Variants in RABGAP1L observed in about 807,000 individuals in gnomAD.
RABGAP1L encodes RAB GTPase activating protein 1 like, also known as rab GTPase-activating protein 1-like.
In RABGAP1L, 63 loss-of-function variants were observed where a neutral mutation model predicts 137.7. The ratio of observed to expected loss-of-function variants is 0.46; its 90% confidence interval spans 0.37 to 0.56. The LOEUF (loss-of-function observed/expected upper bound fraction) is 0.56. Among genes scored for constraint, RABGAP1L ranks in the 20% least tolerant of loss-of-function variants. The probability of loss-of-function intolerance (pLI) is 0.00; values close to 1 mark genes in which losing one functional copy is unlikely to be tolerated. For missense variants in RABGAP1L, 1,095 were observed against 1,244.0 expected, an observed-to-expected ratio of 0.88 and a Z score of 1.80; for synonymous variants, 431 against 433.7, an observed-to-expected ratio of 0.99 and a Z score of 0.08.
At chr1:174,657,618 A>G (rs892433171) in intron 14 of RABGAP1L, among the ~76,000 whole-genome samples, 2 of 152,160 alleles carry the variant, frequency 1.3e-5, no homozygotes, top group African/African-American at 4.8e-5. Context: ...TATATATACC[A>G]CATTTTCTTT....
intron 1 of RABGAP1L, among the ~76,000 whole-genome samples, chr1:174,182,437 A>G (rs1472339758): frequency 6.6e-6 from 1 of 152,208 alleles, no homozygotes; most frequent in Non-Finnish European, 1.5e-5. Flanking sequence ...AATTGAGATT[A>G]TCATAAAATA....
At chr1:174,304,241 A>G (rs953241645) in intron 10 of RABGAP1L, among the ~76,000 whole-genome samples, 5 of 152,006 alleles carry the variant, frequency 3.3e-5, no homozygotes, top group African/African-American at 1.2e-4. Flanking sequence ...GATTTTTCCA[A>G]TGTTGAACCA....
In RABGAP1L at chr1:174,448,258, G is replaced by A. The variant is rs764662621; in HGVS notation, c.1710+54113G>A. ...TCTTCGAGACAGTGGTTATTGTGTT[G>A]CTGACATTTCTGATCATTGCTGGGA... On this transcript the variant is annotated intron_variant, in intron 13 of 25. Transcript: ENST00000681986. The surrounding 1 kb of genome is among the most constrained non-coding windows in gnomAD (Gnocchi z 4.2). 5.0e-6 allele frequency: 8 copies of A among 1,613,878 alleles called. No individual in the cohort carries two copies. The highest frequency in any genetic ancestry group is 5.9e-6 in the Non-Finnish European group (7 of 1,179,932).
In RABGAP1L at chr1:174,681,005, A is replaced by T. The variant is rs1678023816; in HGVS notation, c.1825-2517A>T. 6.6e-5 allele frequency among the ~76,000 whole-genome samples: 10 copies of T among 152,372 alleles called. No individual in the cohort carries two copies. The South Asian group carries it at 2.1e-3, about 32-fold the overall frequency. On this transcript the variant is annotated intron_variant, in intron 14 of 25. Transcript: ENST00000681986. ...GAAAACATTTTCTATACCATTAGCC[A>T]CCAGGGAAATGAAAGTCAAAACTAC...
At chr1:174,527,901 CTTTTTTTTTTT>C (rs57707616) in intron 13 of RABGAP1L, among the ~76,000 whole-genome samples, 13 of 124,826 alleles carry the variant, frequency 1.0e-4, no homozygotes, top group Non-Finnish European at 1.8e-4. Flanking sequence ...ATATACTTGT[CTTTTTTTTTTT>C]TTTTTTTACC....
chr1:174,292,201 T>C (rs1049872567), intron 10 of RABGAP1L, among the ~76,000 whole-genome samples: 5 of 150,778 alleles, frequency 3.3e-5, no homozygotes, highest in African/African-American at 9.7e-5. Context: ...CATGCTTGGC[T>C]TTTTATTTTT....
intron 18 of RABGAP1L, among the ~76,000 whole-genome samples, chr1:174,769,395 G>A (rs181454005): frequency 3.3e-4 from 50 of 152,134 alleles, no homozygotes; most frequent in African/African-American, 1.2e-3. Flanking sequence ...ATCCCAAAAG[G>A]CCATTCTTAG....
chr1:174,522,436 G>A (rs182356752), intron 13 of RABGAP1L, among the ~76,000 whole-genome samples: 3 of 152,182 alleles, frequency 2.0e-5, no homozygotes, highest in East Asian at 3.9e-4. Context: ...GGGCATGGTG[G>A]CATGTGCCTG....
chr1:174,401,627 G>A (rs1648596084), intron 13 of RABGAP1L, among the ~76,000 whole-genome samples: 1 of 152,056 alleles, frequency 6.6e-6, no homozygotes, highest in South Asian at 2.1e-4. Flanking sequence ...TACTTGTACC[G>A]CTAATTCATT....
chr1:174,773,182 G>GTGTGTGTGTTTA (rs35089169), intron 18 of RABGAP1L, among the ~76,000 whole-genome samples: 3,135 of 151,946 alleles, frequency 0.021, 49 homozygotes, highest in Middle Eastern at 0.085. Flanking sequence ...GTGTGTGTGT[G>GTGTGTGTGTTTA]TTTATTTTAA....
chr1:174,472,439 C>G (rs1455551642), intron 13 of RABGAP1L, among the ~76,000 whole-genome samples: 2 of 152,134 alleles, frequency 1.3e-5, no homozygotes, highest in African/African-American at 2.4e-5. Flanking sequence ...TTCCAGGCCC[C>G]CAGGTTTGGT....
chr1:174,988,569 CAT>C (rs1553301488), intron 24 of RABGAP1L, 70 bp from the exon 25 acceptor site: 3 of 1,289,924 alleles, frequency 2.3e-6, no homozygotes, highest in Non-Finnish European at 3.1e-6. Flanking sequence ...CTAAAAAAGT[CAT>C]AAATTGTTTC....
intron 19 of RABGAP1L, among the ~76,000 whole-genome samples, chr1:174,864,768 A>G (rs1456462194): frequency 1.3e-5 from 2 of 152,206 alleles, no homozygotes; most frequent in Non-Finnish European, 2.9e-5. Context: ...AAAACAAAAT[A>G]CCAGCAAATT....
At chr1:174,547,897 T>C in intron 13 of RABGAP1L, 1 of 1,548,982 alleles carries the variant, frequency 6.5e-7, no homozygotes, top group Non-Finnish European at 8.7e-7. Context: ...ATATGAAGGG[T>C]CTATGAAGGT....
At chr1:174,521,218 A>G (rs1364302748) in intron 13 of RABGAP1L, among the ~76,000 whole-genome samples, 2 of 152,242 alleles carry the variant, frequency 1.3e-5, no homozygotes, top group Non-Finnish European at 2.9e-5. Flanking sequence ...GATTGGATGT[A>G]TTGGAATGTA....
chr1:174,325,784 G>A (rs1042298990), intron 11 of RABGAP1L, among the ~76,000 whole-genome samples: 3 of 152,204 alleles, frequency 2.0e-5, no homozygotes, highest in Non-Finnish European at 4.4e-5. Flanking sequence ...ACTAGCAGCA[G>A]CCGGTGTGTG....
intron 13 of RABGAP1L, among the ~76,000 whole-genome samples, chr1:174,459,204 T>C (rs1230080813): frequency 6.6e-6 from 1 of 152,184 alleles, no homozygotes; most frequent in Non-Finnish European, 1.5e-5. Context: ...AAAATCTTGA[T>C]GATTCAGTTA....
chr1:174,239,901 A>G (rs1424602511), intron 4 of RABGAP1L, among the ~76,000 whole-genome samples: 2 of 152,254 alleles, frequency 1.3e-5, no homozygotes, highest in African/African-American at 4.8e-5. Flanking sequence ...CTTTTGCTAA[A>G]TTCCAAGTAC....
At chr1:174,347,327 C>CTAT (rs1408422010) in intron 11 of RABGAP1L, among the ~76,000 whole-genome samples, 1 of 152,084 alleles carries the variant, frequency 6.6e-6, no homozygotes, top group Admixed American at 6.5e-5. Flanking sequence ...AAGTCTCTAG[C>CTAT]TATTGCATTG....
Sources: gnomAD v4.1 joint callset for allele counts (sites outside exome capture counted in the v4.1 genomes callset) on GRCh38, gnomAD v4.1.1 for gene constraint, Gnocchi (gnomAD v3.1) non-coding constraint, MANE v1.5 for transcripts, NCBI Gene and HGNC (gene_info 2026-07-23, HGNC 2026-07-21) for gene names.